ADGRA2: variants seen among roughly 807,000 people sequenced by gnomAD.
ADGRA2 encodes adhesion G protein-coupled receptor A2, also known as G-protein coupled receptor 124.
ADGRA2 carries 61 observed loss-of-function variants against 98.7 expected under a neutral mutation model. That is an observed-to-expected ratio of 0.62 (90% CI 0.50 to 0.76). The LOEUF (loss-of-function observed/expected upper bound fraction) is 0.76, where lower values mean the gene tolerates loss of function less well. ADGRA2 is among the 30% of genes least tolerant of loss of function. ADGRA2 has a pLI of 0.00. For synonymous variants in ADGRA2, 858 were observed against 831.5 expected, an observed-to-expected ratio of 1.03 and a Z score of -0.55; for missense variants, 1,712 against 1,860.0, an observed-to-expected ratio of 0.92 and a Z score of 1.46.
Position 37,840,856 on chromosome 8 carries a change from ACCCCTCCCTCCC to A in ADGRA2, c.2747+8_2747+19del. ...ACCGGGACCACAGCCCCTAGTGAGCACCCCTCCCTCCCGCCCCAAGCCTACCTACCTAACACC... is the reference window on the plus strand; with the variant it reads ...ACCGGGACCACAGCCCCTAGTGAGCAGCCCCAAGCCTACCTACCTAACACC... On this transcript the variant is annotated splice_region_variant and intron_variant, in intron 18 of 18. Coordinates refer to ENST00000412232, the MANE Select transcript of ADGRA2 (RefSeq NM_032777.10). The A allele has an allele frequency of 4.7e-6, 7 of 1,483,220 alleles. No individual in the cohort carries two copies. The highest frequency in any genetic ancestry group is 1.1e-5 in the South Asian group (1 of 87,572). 91.9% of individuals were successfully genotyped at this position (1,483,220 alleles called of 1,614,324 possible). A position where few individuals can be genotyped will look rare whatever the true frequency, so the allele number is the denominator to read the frequency against.
Position 37,833,017 on chromosome 8 carries a change from C to T in ADGRA2, c.1105C>T (p.Arg369Ter), listed in dbSNP as rs772902689. ...ANNRGDFRWP[R>*]TLAGITAYQS... ...TCCTGCCTCTCCCCCCAGGTGGCCC[C>T]GAACTCTGGCTGGCATCACAGCCTA... is the stretch of plus-strand genomic sequence containing the variant. Residue 369 changes from arginine to a stop codon, truncating the protein, a stop_gained, in exon 9 of 19, where the codon CGA (arginine) becomes TGA (stop). Transcript: ENST00000412232. LOFTEE classifies it high-confidence loss of function. The T allele has an allele frequency of 5.6e-6, 9 of 1,612,166 alleles. No homozygotes were observed. In the Admixed American group the frequency reaches 1.0e-4, roughly 18 times the overall value.
chr8:37,798,840 C>T (rs1459525629), intron 1 of ADGRA2, among the ~76,000 whole-genome samples: 6 of 152,172 alleles, frequency 3.9e-5, no homozygotes, highest in Non-Finnish European at 8.8e-5. Flanking sequence ...TGTGTGTGTG[C>T]ATGTGTGTGC....
In ADGRA2 at chr8:37,835,415, G is replaced by C. The variant is rs548341470; in HGVS notation, c.1833+17G>C. Reference sequence around the variant, plus strand: ...CACATCAAGGTGGGCGCTGGGGGAGGGAGAGGGGGTGGGAGAAGGGAGGCA... The same window carrying C: ...CACATCAAGGTGGGCGCTGGGGGAGCGAGAGGGGGTGGGAGAAGGGAGGCA... On this transcript the variant is annotated intron_variant, in intron 12 of 18. Coordinates refer to ENST00000412232, the MANE Select transcript of ADGRA2 (RefSeq NM_032777.10). 2.9e-5 allele frequency: 47 copies of C among 1,600,060 alleles called. 1 individual carries two copies. In the South Asian group the frequency reaches 4.7e-4, roughly 16 times the overall value.
At chr8:37,833,944 C>A (rs755698134) in intron 10 of ADGRA2, 23 bp from the exon 11 acceptor site, 2 of 1,608,330 alleles carry the variant, frequency 1.2e-6, no homozygotes, top group South Asian at 1.1e-5. Flanking sequence ...CCCCTGCCCT[C>A]AGCAACTTCC....
rs562307679 is a variant in ADGRA2 at position 37,802,350 on chromosome 8, T to A, written c.266+4816T>A. Reference sequence around the variant, plus strand: ...CTCCACCCCCTTCTCTTCCACCAGCTTTCCCCCATATGGTTCTCATAAGGT... The same window carrying A: ...CTCCACCCCCTTCTCTTCCACCAGCATTCCCCCATATGGTTCTCATAAGGT... On this transcript the variant is annotated intron_variant, in intron 1 of 18. Transcript: ENST00000412232. This position sits in a 1 kb window ranked among gnomAD's most constrained non-coding sequence, Gnocchi z 4.7. 3.3e-5 allele frequency among the ~76,000 whole-genome samples: 5 copies of A among 152,244 alleles called. No individual in the cohort carries two copies. In the South Asian group the frequency reaches 1.0e-3, roughly 32 times the overall value.
intron 1 of ADGRA2, among the ~76,000 whole-genome samples, chr8:37,811,529 T>C (rs1804833458): frequency 7.0e-6 from 1 of 142,502 alleles, no homozygotes; most frequent in African/African-American, 2.7e-5. Context: ...CAGGCTGGAG[T>C]GCAATGGTGC....
In ADGRA2 at chr8:37,844,710, T is replaced by G. The variant is rs1172576749; in HGVS notation, c.*2355T>G. The stretch of plus-strand genomic sequence containing the variant: ...GGCAGGACTGGCCGGCCGCTTCCCC[T>G]GGGGTAAACCTAAGGAATTATTTCC... On this transcript the variant is annotated 3_prime_UTR_variant, in exon 19 of 19. Coordinates refer to ENST00000412232, the MANE Select transcript of ADGRA2 (RefSeq NM_032777.10). 1 of 1,614,004 alleles carries G rather than the reference T, an allele frequency of 6.2e-7. No individual in the cohort carries two copies. Among genetic ancestry groups the G allele is most frequent in the African/African-American group, 1.3e-5 (1 of 74,918 alleles).
rs539131553 is a variant in ADGRA2 at position 37,829,038 on chromosome 8, C to T, written c.410+79C>T. ...CACCCCTCCTGCTCCATGCCCACCC[C>T]CTTCCTCTCACCCCCCCACACCTGC... On this transcript the variant is annotated intron_variant, in intron 3 of 18. Coordinates refer to ENST00000412232, the MANE Select transcript of ADGRA2 (RefSeq NM_032777.10). 8 of 1,015,102 alleles carry T rather than the reference C, an allele frequency of 7.9e-6. No homozygotes were observed. The South Asian group carries it at 1.2e-4, about 15-fold the overall frequency. 62.9% of individuals were successfully genotyped at this position (1,015,102 alleles called of 1,614,324 possible).
At chr8:37,813,654 G>A (rs922053549) in intron 1 of ADGRA2, among the ~76,000 whole-genome samples, 2 of 152,150 alleles carry the variant, frequency 1.3e-5, no homozygotes, top group Non-Finnish European at 2.9e-5. Context: ...TGGGGAGAAG[G>A]AAGGAAGGAG....
intron 3 of ADGRA2, 103 bp from the exon 4 acceptor site, chr8:37,829,158 C>A: frequency 2.1e-6 from 2 of 946,792 alleles, no homozygotes; most frequent in Non-Finnish European, 3.4e-6. Context: ...CCTTTTTCAT[C>A]CCACCCCCCA....
At position 37,838,855 on chromosome 8, in the gene ADGRA2, G is replaced by A. The variant is rs1278651622; in HGVS notation, c.2260-101G>A. On this transcript the variant is annotated intron_variant, in intron 14 of 18. Transcript: ENST00000412232. ...CTGCCCAGATGAACTAAGCACCAAA[G>A]TGCAGGACCAAGGCTGACGGGGCCT... The A allele has an allele frequency of 4.3e-6, 6 of 1,403,540 alleles. No homozygotes were observed. The East Asian group carries it at 9.5e-5, about 22-fold the overall frequency. The allele number at this position is 1,403,540 out of a possible 1,614,324, so 86.9% of individuals were successfully genotyped here. A position where few individuals can be genotyped will look rare whatever the true frequency, so the allele number is the denominator to read the frequency against.
At chr8:37,829,123 C>A in intron 3 of ADGRA2, 138 bp from the exon 4 acceptor site, 1 of 815,018 alleles carries the variant, frequency 1.2e-6, no homozygotes, top group Non-Finnish European at 2.0e-6. Flanking sequence ...TCCAGTCCAG[C>A]TGCGGCCTGG....
chr8:37,837,405 T>C (rs1014063792), intron 13 of ADGRA2, among the ~76,000 whole-genome samples: 1 of 133,882 alleles, frequency 7.5e-6, no homozygotes, highest in Non-Finnish European at 1.6e-5. Context: ...GTTCCCTCCA[T>C]CTGCATTTCT....
chr8:37,809,166 C>T (rs1420918466), intron 1 of ADGRA2, among the ~76,000 whole-genome samples: 2 of 151,928 alleles, frequency 1.3e-5, no homozygotes. Flanking sequence ...CATGGTGGCG[C>T]ATGCCTGTAG....
rs376559450 is a variant in ADGRA2 at position 37,814,999 on chromosome 8, G to T, written c.338+32G>T. 4.0e-6 allele frequency: 6 copies of T among 1,506,122 alleles called. No homozygotes were observed. Among genetic ancestry groups the T allele is most frequent in the African/African-American group, 1.4e-5 (1 of 72,964 alleles). 93.3% of individuals were successfully genotyped at this position (1,506,122 alleles called of 1,614,324 possible). On this transcript the variant is annotated intron_variant, in intron 2 of 18. Transcript: ENST00000412232. The surrounding 1 kb of genome is among the most constrained non-coding windows in gnomAD (Gnocchi z 4.3). Reference sequence around the variant, plus strand: ...GCTGGGGAAGGTGAGGTGGAGGAGGGGGGTGGCCGTGATGGCAAGAGGTCA... The same window carrying T: ...GCTGGGGAAGGTGAGGTGGAGGAGGTGGGTGGCCGTGATGGCAAGAGGTCA...
Position 37,810,601 on chromosome 8 carries a change from G to A in ADGRA2, c.267-4295G>A, listed in dbSNP as rs934285583. Among the ~76,000 whole-genome samples the A allele has an allele frequency of 3.5e-4, 53 of 152,120 alleles. 2 individuals are homozygous for A. On this transcript the variant is annotated intron_variant, in intron 1 of 18. Coordinates refer to ENST00000412232, the MANE Select transcript of ADGRA2 (RefSeq NM_032777.10). ...CAGCCTCAAACTCCTGGGCTCAAGT[G>A]ATCCTCTTGCCTCGTCCTCCCAAGT...
intron 1 of ADGRA2, among the ~76,000 whole-genome samples, chr8:37,798,879 G>T (rs531406756): frequency 1.3e-5 from 2 of 152,186 alleles, no homozygotes; most frequent in African/African-American, 2.4e-5. Flanking sequence ...GTGTCTGCTC[G>T]CTGCCGCCTC....
chr8:37,835,328 C>T lies in ADGRA2; in HGVS notation c.1763C>T (p.Ala588Val). 6.2e-7 allele frequency: 1 copy of T among 1,613,602 alleles called. No homozygotes were observed. The highest frequency in any genetic ancestry group is 8.5e-7 in the Non-Finnish European group (1 of 1,179,980). The change falls in exon 12 of 19, where the codon GCT becomes GTT. Residue 588 changes from alanine to valine, a missense_variant. Ala to Val is a moderately conservative substitution (Grantham distance 64). Transcript: ENST00000412232. ...QNPPPEPEPP[A>V]DQQLRFRCTT... is the part of the protein sequence containing the mutation. ...CCCCCACCTGAGCCCGAGCCCCCAG[C>T]TGACCAGCAGCTCCGCTTCCGCTGC...
Position 37,841,704 on chromosome 8 carries a change from C to T in ADGRA2, c.3366C>T (p.Ser1122=), listed in dbSNP as rs775887703. 1.5e-4 allele frequency: 228 copies of T among 1,540,332 alleles called. 5 individuals are homozygous for T. In the South Asian group the frequency reaches 2.7e-3, roughly 18 times the overall value. The stretch of plus-strand genomic sequence containing the variant: ...CCCCCTCCCTCAAGTCCTCCCCAAG[C>T]GGCAGCAGCGGCCATCCGCTGGCTC... ...EGPPSLKSSP[S]GSSGHPLALG... is the part of the protein sequence containing the mutation. Residue 1122 remains serine, a synonymous_variant, in exon 19 of 19, where the codon AGC becomes AGT. Coordinates refer to ENST00000412232, the MANE Select transcript of ADGRA2 (RefSeq NM_032777.10). The surrounding 1 kb of genome is among the most constrained non-coding windows in gnomAD (Gnocchi z 5.0).
Sources: gnomAD v4.1 joint callset for allele counts (sites outside exome capture counted in the v4.1 genomes callset) on GRCh38, gnomAD v4.1.1 for gene constraint, Gnocchi (gnomAD v3.1) non-coding constraint, MANE v1.5 for transcripts, NCBI Gene and HGNC (gene_info 2026-07-23, HGNC 2026-07-21) for gene names.